The following MYOM3 variants were observed in gnomAD, a reference collection of about 807,000 sequenced individuals.
MYOM3 encodes the protein myomesin-3.
MYOM3 carries 155 observed loss-of-function variants against 191.7 expected under a neutral mutation model. The observed-to-expected ratio is 0.81, with a 90% CI of 0.71 to 0.92. The LOEUF is 0.92. Among genes scored for constraint, MYOM3 ranks in the 40% least tolerant of loss-of-function variants. The pLI, the probability that MYOM3 is intolerant of heterozygous loss-of-function variation, is 0.00. For synonymous variants in MYOM3, 757 were observed against 762.9 expected, an observed-to-expected ratio of 0.99 and a Z score of 0.13; for missense variants, 1,889 against 1,890.6, an observed-to-expected ratio of 1.00 and a Z score of 0.02.
intron 11 of MYOM3, among the ~76,000 whole-genome samples, chr1:24,091,614 T>C (rs1398844660): frequency 6.6e-6 from 1 of 152,212 alleles, no homozygotes; most frequent in East Asian, 1.9e-4. Flanking sequence ...TTTCCCCATC[T>C]ATAGAAGAGG....
chr1:24,109,965 C>T (rs879915014), intron 1 of MYOM3, among the ~76,000 whole-genome samples: 5 of 152,224 alleles, frequency 3.3e-5, no homozygotes, highest in Non-Finnish European at 7.3e-5. Flanking sequence ...CCAGTGGGGC[C>T]GGATCAGATT....
Position 24,089,515 on chromosome 1 carries a change from G to C in MYOM3, c.1614+23C>G, listed in dbSNP as rs375746173. The C allele has an allele frequency of 1.1e-4, 173 of 1,587,132 alleles. 5 individuals carry two copies. The Middle Eastern group carries it at 1.7e-3, about 15-fold the overall frequency. ...CATCTGTTTCTCAGGCTGGCCTGGG[G>C]CTGGGGCCTCGGGGTTCCCTACCTT... On this transcript the variant is annotated intron_variant, in intron 14 of 36. Coordinates refer to ENST00000374434, the MANE Select transcript of MYOM3 (RefSeq NM_152372.4).
chr1:24,082,309 C>T, intron 17 of MYOM3, 121 bp from the exon 18 acceptor site: 1 of 1,025,688 alleles, frequency 9.7e-7, no homozygotes, highest in South Asian at 1.7e-5. Context: ...AGGGGTTTTT[C>T]CCTGAGCCAG....
chr1:24,077,305 G>A (rs1643614242), intron 20 of MYOM3, among the ~76,000 whole-genome samples: 1 of 152,150 alleles, frequency 6.6e-6, no homozygotes, highest in Non-Finnish European at 1.5e-5. Context: ...ATCTTTTAGT[G>A]GCCTTCAGGG....
chr1:24,101,879 G>A (rs558924964), intron 5 of MYOM3, among the ~76,000 whole-genome samples: 92 of 152,312 alleles, frequency 6.0e-4, no homozygotes, highest in Middle Eastern at 6.8e-3. Context: ...GTGTGAACAG[G>A]ACAGTGGGGT....
intron 2 of MYOM3, 119 bp from the exon 3 acceptor site, chr1:24,108,192 C>A: frequency 1.1e-6 from 1 of 932,022 alleles, no homozygotes. Context: ...CTGTGCCTCC[C>A]TCCTCATACT....
At chr1:24,064,309 C>T (rs1163365573) in intron 29 of MYOM3, 150 bp from the exon 30 acceptor site, 1 of 600,102 alleles carries the variant, frequency 1.7e-6, no homozygotes, top group Admixed American at 3.0e-5. Flanking sequence ...TCCATTTACT[C>T]ATCTGGGCTG....
Position 24,107,073 on chromosome 1 carries a change from C to T in MYOM3, c.402G>A (p.Arg134=). The part of the protein sequence containing the change: ...QRRDWKTLRR[R]TEEKVQEAKE... ...GGGGCTCCACGGCCCACCCCCTTAC[C>T]CGCCGCCTCAGCGTCTTCCAGTCCC... is the stretch of plus-strand genomic sequence containing the variant. The change falls in exon 4 of 37, where the codon CGG becomes CGA. Residue 134 remains arginine (R), a splice_region_variant and synonymous_variant. Transcript: ENST00000374434. 6.2e-7 allele frequency: 1 copy of T among 1,605,870 alleles called. No homozygotes were observed. The highest frequency in any genetic ancestry group is 8.5e-7 in the Non-Finnish European group (1 of 1,176,428).
Position 24,056,975 on chromosome 1 carries a change from G to A in MYOM3, c.*389C>T, listed in dbSNP as rs1030288753. The A allele has an allele frequency of 2.7e-5, 5 of 186,996 alleles. No individual in the cohort carries two copies. In the Admixed American group the frequency reaches 2.8e-4, roughly 11 times the overall value. 11.6% of individuals were successfully genotyped at this position (186,996 alleles called of 1,614,324 possible). A position where few individuals can be genotyped will look rare whatever the true frequency, so the allele number is the denominator to read the frequency against. ...TGGGATCCTAAAAGAGGGGTGCGAT[G>A]TATCAGTTTATGGCAGGGCTCATGG... On this transcript the variant is annotated 3_prime_UTR_variant, in exon 37 of 37. Coordinates refer to ENST00000374434, the MANE Select transcript of MYOM3 (RefSeq NM_152372.4).
intron 4 of MYOM3, among the ~76,000 whole-genome samples, chr1:24,106,516 C>G (rs12062136): frequency 3.9e-5 from 6 of 151,968 alleles, no homozygotes; most frequent in African/African-American, 1.2e-4. Context: ...ACTTTCCAAA[C>G]CCAGTCTCCT....
intron 23 of MYOM3, among the ~76,000 whole-genome samples, chr1:24,073,015 T>C (rs1034304385): frequency 6.6e-5 from 10 of 152,172 alleles, no homozygotes; most frequent in African/African-American, 2.2e-4. Flanking sequence ...TCTAGATTCA[T>C]GGCAAGCACA....
intron 7 of MYOM3, 42 bp from the exon 8 acceptor site, chr1:24,095,528 C>T (rs769028928): frequency 2.5e-6 from 4 of 1,576,272 alleles, no homozygotes; most frequent in Non-Finnish European, 3.5e-6. Context: ...AGGTTCAGAG[C>T]CCACATTCCT....
At chr1:24,097,375 G>A (rs1390297788) in intron 7 of MYOM3, among the ~76,000 whole-genome samples, 3 of 152,214 alleles carry the variant, frequency 2.0e-5, no homozygotes, top group Non-Finnish European at 4.4e-5. Context: ...GTTATCCCCT[G>A]AGAGAGCAAC....
chr1:24,088,020 T>G (rs745744259), intron 14 of MYOM3, among the ~76,000 whole-genome samples: 3 of 152,196 alleles, frequency 2.0e-5, no homozygotes, highest in Non-Finnish European at 4.4e-5. Context: ...GATATAGTAT[T>G]AAACTTCACT....
rs1421880633 is a variant in MYOM3, at chr1:24,090,820, T to C, written c.1409A>G (p.His470Arg). Reference protein sequence around the residue: ...KASELVVMGDHDAARRKTEIP... With the variant: ...KASELVVMGDRDAARRKTEIP... ...ACCTGTCTTCCTCCGGGCTGCATCA[T>C]GGTCACCCATGACAACCAACTCTGA... is the stretch of plus-strand genomic sequence containing the variant. The change falls in exon 12 of 37, where the codon CAT (histidine) becomes CGT (arginine). Residue 470 changes from histidine to arginine, a missense_variant. Transcript: ENST00000374434. The C allele has an allele frequency of 1.2e-6, 2 of 1,614,146 alleles. No individual in the cohort carries two copies. The highest frequency in any genetic ancestry group is 2.2e-5 in the East Asian group (1 of 44,868).
intron 28 of MYOM3, chr1:24,066,489 T>G: frequency 1.9e-6 from 1 of 520,656 alleles, no homozygotes. Context: ...CCTTCCCCAG[T>G]TATCTAAACA....
In MYOM3 at chr1:24,106,202, C is replaced by T. The variant is rs115589396; in HGVS notation, c.403-125G>A. 3,629 of 1,121,090 alleles carry T rather than the reference C, an allele frequency of 3.2e-3. 84 individuals are homozygous for T. In the African/African-American group the frequency reaches 0.052, roughly 16 times the overall value. The allele number at this position is 1,121,090 out of a possible 1,614,324, so 69.4% of individuals were successfully genotyped here. A position where few individuals can be genotyped will look rare whatever the true frequency, so the allele number is the denominator to read the frequency against. ...CCCACATGGGCTGGAGTTCCCGGTC[C>T]CCTCCCCTAGCTGAGCAGGGTGGCA... On this transcript the variant is annotated intron_variant, in intron 4 of 36. Coordinates refer to ENST00000374434, the MANE Select transcript of MYOM3 (RefSeq NM_152372.4).
chr1:24,068,172 G>T, intron 26 of MYOM3, 51 bp downstream of exon 26: 1 of 1,573,094 alleles, frequency 6.4e-7, no homozygotes, highest in African/African-American at 1.4e-5. Context: ...GGCCAGGTGT[G>T]CGGGGCAGGG....
chr1:24,057,614 G>A lies in MYOM3; in HGVS notation c.4064C>T (p.Thr1355Ile), dbSNP rs777897491. The A allele has an allele frequency of 1.2e-5, 19 of 1,613,954 alleles. No homozygotes were observed. The highest frequency in any genetic ancestry group is 1.5e-5 in the Non-Finnish European group (18 of 1,179,990). Reference protein sequence around the residue: ...TIMEDKTLCLTCIVSGDPTPE... With the variant: ...TIMEDKTLCLICIVSGDPTPE... ...GGTGGGGTCTCCTGAGACGATGCAA[G>A]TCAAGCACAGGGTCTGTTTGAAAAG... is the stretch of plus-strand genomic sequence containing the variant. Residue 1355 changes from threonine (T) to isoleucine (I), a missense_variant, in exon 37 of 37, where the codon ACT becomes ATT. Transcript: ENST00000374434.
Sources: gnomAD v4.1 joint callset for allele counts (sites outside exome capture counted in the v4.1 genomes callset) on GRCh38, gnomAD v4.1.1 for gene constraint, MANE v1.5 for transcripts, NCBI Gene and HGNC (gene_info 2026-07-23, HGNC 2026-07-21) for gene names.